TTC23L: variants seen among roughly 807,000 people sequenced by gnomAD.
The protein encoded by TTC23L is tetratricopeptide repeat protein 23-like.
In TTC23L, 42 loss-of-function variants were observed where a neutral mutation model predicts 48.1. The observed-to-expected ratio is 0.87, with a 90% CI of 0.68 to 1.13. The LOEUF (loss-of-function observed/expected upper bound fraction) is 1.13. Among genes scored for constraint, TTC23L ranks in the 50% most tolerant of loss-of-function variants. The pLI is 0.00. For synonymous variants in TTC23L, 159 were observed against 157.2 expected (o/e 1.01, Z -0.09); for missense variants, 391 against 421.0 (o/e 0.93, Z 0.62).
chr5:34,867,149 C>T (rs754015956), intron 7 of TTC23L, 80 bp downstream of exon 7: 17 of 1,396,852 alleles, frequency 1.2e-5, no homozygotes, highest in Admixed American at 2.0e-5. Context: ...GAAGCATGGG[C>T]TTCTCAGAAG....
In TTC23L at chr5:34,893,866, G is replaced by A. The variant is rs143972030; in HGVS notation, c.1078-2904G>A. On this transcript the variant is annotated intron_variant, in intron 9 of 10. Transcript: ENST00000505624. ...CCAGTGTCATTGTTACGAAAGACAC[G>A]AGGAGACACTTCAAAGAGGAAGAAA... 5.8e-4 allele frequency among the ~76,000 whole-genome samples: 89 copies of A among 152,258 alleles called. No homozygotes were observed. In the East Asian group the frequency reaches 0.011, roughly 18 times the overall value.
At chr5:34,845,348 C>A (rs1353734849) in intron 2 of TTC23L, 139 bp from the exon 3 acceptor site, 15 of 863,578 alleles carry the variant, frequency 1.7e-5, no homozygotes, top group Non-Finnish European at 2.4e-5. Flanking sequence ...CGTGAGTTTA[C>A]TGCCTAGCTT....
rs191811869 is a variant in TTC23L at position 34,868,751 on chromosome 5, A to G, written c.841-154A>G. 7 of 641,042 alleles carry G rather than the reference A, an allele frequency of 1.1e-5. No homozygotes were observed. The Admixed American group carries it at 1.4e-4, about 13-fold the overall frequency. The allele number at this position is 641,042 out of a possible 1,614,324, so 39.7% of individuals were successfully genotyped here. A position where few individuals can be genotyped will look rare whatever the true frequency, so the allele number is the denominator to read the frequency against. Reference sequence around the variant, plus strand: ...CCTTCCCAAACCCTAATCAGTGGGAATTATATATTCCTTCTACGAATGAAG... The same window carrying G: ...CCTTCCCAAACCCTAATCAGTGGGAGTTATATATTCCTTCTACGAATGAAG... On this transcript the variant is annotated intron_variant, in intron 7 of 10. Transcript: ENST00000505624.
rs369927776 is a variant in TTC23L, at chr5:34,864,502, A to T, written c.602A>T (p.Tyr201Phe). The T allele has an allele frequency of 1.5e-5, 25 of 1,613,710 alleles. 1 individual carries two copies. The highest frequency in any genetic ancestry group is 1.9e-5 in the Non-Finnish European group (23 of 1,179,816). ...AACATGAAGGAGCTGAAAGAATTAT[A>T]TAAAGGAGGTGTTTGTGAATTACAA... Residue 201 changes from tyrosine (Y) to phenylalanine (F), a missense_variant, in exon 6 of 11, where the codon TAT becomes TTT. Coordinates refer to ENST00000505624, the Ensembl canonical transcript of TTC23L.
chr5:34,902,048 G>C (rs1429847159), downstream of TTC23L, among the ~76,000 whole-genome samples: 1 of 152,170 alleles, frequency 6.6e-6, no homozygotes, highest in Non-Finnish European at 1.5e-5. Context: ...TTTAGCGACA[G>C]AGAAATCTCA....
downstream of TTC23L, among the ~76,000 whole-genome samples, chr5:34,902,250 T>C (rs1208950818): frequency 2.6e-5 from 4 of 151,988 alleles, no homozygotes; most frequent in African/African-American, 9.7e-5. Flanking sequence ...CACGGCTCTC[T>C]ACCAAAAATA....
At chr5:34,897,332 C>T (rs950195327) in intron 10 of TTC23L, among the ~76,000 whole-genome samples, 14 of 151,574 alleles carry the variant, frequency 9.2e-5, no homozygotes, top group East Asian at 1.9e-4. Flanking sequence ...TGCAGTGAGC[C>T]GAGATTGTGC....
intron 9 of TTC23L, among the ~76,000 whole-genome samples, chr5:34,894,909 T>TGATGA (rs1763107950): frequency 6.6e-6 from 1 of 151,820 alleles, no homozygotes. Flanking sequence ...ATGATGATGA[T>TGATGA]GATGATGTTA....
rs1758413358 is a variant in TTC23L at position 34,839,508 on chromosome 5, C to T, written c.-8+249C>T. Reference sequence around the variant, plus strand: ...CGATTCGTCCTTGAGGGGCTCAGGGCCGTGCGGAACGTCATAGGAACAGAG... The same window carrying T: ...CGATTCGTCCTTGAGGGGCTCAGGGTCGTGCGGAACGTCATAGGAACAGAG... On this transcript the variant is annotated intron_variant, in intron 1 of 10. Coordinates refer to ENST00000505624, the Ensembl canonical transcript of TTC23L. The T allele has an allele frequency of 7.1e-6, 3 of 420,982 alleles. No individual in the cohort carries two copies. The South Asian group carries it at 3.0e-4, about 42-fold the overall frequency. 26.1% of individuals were successfully genotyped at this position (420,982 alleles called of 1,614,324 possible).
chr5:34,868,796 A>T, intron 7 of TTC23L, 109 bp from the exon 8 acceptor site: 1 of 841,404 alleles, frequency 1.2e-6, no homozygotes, highest in Non-Finnish European at 2.0e-6. Flanking sequence ...CTTGCACAAG[A>T]CTCATAGCTA....
At chr5:34,902,965 A>C (rs74946049), downstream of TTC23L, among the ~76,000 whole-genome samples, 2 of 138,450 alleles carry the variant, frequency 1.4e-5, no homozygotes, top group African/African-American at 5.7e-5. Flanking sequence ...GACTGACATT[A>C]AAAAAAAAAA....
chr5:34,860,737 T>G (rs1219170875), intron 4 of TTC23L: 1 of 152,180 alleles, frequency 6.6e-6, no homozygotes, highest in Admixed American at 6.5e-5. Context: ...TTATTTTTAT[T>G]TTTGCAGTTT....
chr5:34,882,379 G>A (rs1314148701), intron 9 of TTC23L, among the ~76,000 whole-genome samples: 2 of 152,216 alleles, frequency 1.3e-5, no homozygotes, highest in Non-Finnish European at 2.9e-5. Flanking sequence ...GGAAGCAAGT[G>A]CCATGAGGGC....
At chr5:34,913,334 G>T in the TTC23L span, 1 of 455,828 alleles carries the variant, frequency 2.2e-6, no homozygotes, top group South Asian at 7.0e-5. Context: ...TGAAATGTTA[G>T]AACCCATGAC....
At chr5:34,868,649 A>G in intron 7 of TTC23L, 1 of 321,116 alleles carries the variant, frequency 3.1e-6, no homozygotes, top group Admixed American at 4.1e-5. Context: ...TAAAAATTAT[A>G]CTAGCCAACA....
chr5:34,863,855 A>G lies in TTC23L; in HGVS notation c.537-582A>G, dbSNP rs1760858790. On this transcript the variant is annotated intron_variant, in intron 5 of 10. Coordinates refer to ENST00000505624, the Ensembl canonical transcript of TTC23L. The surrounding 1 kb of genome is among the most constrained non-coding windows in gnomAD (Gnocchi z 4.1). ...TGTGTCCCCAGTCTCCTCTCTACAC[A>G]TCCCCCTCTCTACTTTTTTGGTCCT... Among the ~76,000 whole-genome samples the G allele has an allele frequency of 6.6e-6, 1 of 152,152 alleles. No homozygotes were observed. Among genetic ancestry groups the G allele is most frequent in the African/African-American group, 2.4e-5 (1 of 41,428 alleles).
At chr5:34,895,819 G>C (rs745534712) in intron 9 of TTC23L, among the ~76,000 whole-genome samples, 1 of 152,216 alleles carries the variant, frequency 6.6e-6, no homozygotes, top group Non-Finnish European at 1.5e-5. Flanking sequence ...GTATCAGCCA[G>C]ACCAGTCTTG....
chr5:34,918,593 C>T, the TTC23L span: 5 of 535,194 alleles, frequency 9.3e-6, no homozygotes, highest in Non-Finnish European at 1.3e-5. Context: ...AACACAATGC[C>T]TTTTATCCTT....
chr5:34,888,944 T>C (rs1407326391), intron 9 of TTC23L, among the ~76,000 whole-genome samples: 1 of 152,198 alleles, frequency 6.6e-6, no homozygotes, highest in Admixed American at 6.5e-5. Context: ...CAAGTTTTTT[T>C]AGGATACAGT....
Sources: allele counts gnomAD v4.1 joint callset (sites outside exome capture counted in the v4.1 genomes callset), GRCh38; gene constraint gnomAD v4.1.1; non-coding constraint Gnocchi (gnomAD v3.1); transcripts MANE v1.5; gene names NCBI Gene and HGNC (gene_info 2026-07-23, HGNC 2026-07-21).